STK32A: variants seen among roughly 807,000 people sequenced by gnomAD.
STK32A encodes serine/threonine kinase 32A, also known as serine/threonine-protein kinase 32A.
STK32A carries 41 observed loss-of-function variants against 53.2 expected under a neutral mutation model. The ratio of observed to expected loss-of-function variants is 0.77; its 90% CI spans 0.60 to 1.00. STK32A has a LOEUF of 1.00. Among genes scored for constraint, STK32A ranks in the 50% least tolerant of loss-of-function variants. STK32A has a pLI of 0.00. For missense variants in STK32A, 458 were observed against 485.8 expected (o/e 0.94, Z 0.54); for synonymous variants, 166 against 162.8 (o/e 1.02, Z -0.15).
Position 147,386,793 on chromosome 5 carries a change from T to G in STK32A, c.*2810T>G, listed in dbSNP as rs1459145849. ...AAACCATGGTATCTGACAGTGCTGA[T>G]TGTAATCACCTCCCACCACTGTGCA... On this transcript the variant is annotated 3_prime_UTR_variant, in exon 13 of 13. Coordinates refer to ENST00000397936, the MANE Select transcript of STK32A (RefSeq NM_001112724.2). 1 of 152,216 alleles carries G rather than the reference T, an allele frequency of 6.6e-6. No homozygotes were observed. Among genetic ancestry groups the G allele is most frequent in the Non-Finnish European group, 1.5e-5 (1 of 68,040 alleles). 9.4% of individuals were successfully genotyped at this position (152,216 alleles called of 1,614,324 possible). A position where few individuals can be genotyped will look rare whatever the true frequency, so the allele number is the denominator to read the frequency against.
At chr5:147,338,345 C>A (rs1159606665) in intron 5 of STK32A, among the ~76,000 whole-genome samples, 4 of 152,146 alleles carry the variant, frequency 2.6e-5, no homozygotes, top group Admixed American at 2.6e-4. Context: ...CACCTTCTGC[C>A]ATGATTGTGA....
chr5:147,344,552 C>A (rs1029369243), intron 6 of STK32A, among the ~76,000 whole-genome samples: 1 of 152,170 alleles, frequency 6.6e-6, no homozygotes, highest in African/African-American at 2.4e-5. Flanking sequence ...GCAGGAGGAT[C>A]GCTTGAGCCC....
chr5:147,333,602 G>T (rs1754978642), intron 5 of STK32A, among the ~76,000 whole-genome samples: 1 of 152,096 alleles, frequency 6.6e-6, no homozygotes, highest in African/African-American at 2.4e-5. Flanking sequence ...ATACTTCACA[G>T]GCTGTGGTGA....
At chr5:147,275,252 T>A (rs1249317028) in intron 2 of STK32A, among the ~76,000 whole-genome samples, 1 of 152,172 alleles carries the variant, frequency 6.6e-6, no homozygotes, top group African/African-American at 2.4e-5. Context: ...TTCAAGTTAG[T>A]CTTCCTGCTA....
intron 1 of STK32A, among the ~76,000 whole-genome samples, chr5:147,237,120 G>A (rs1055130708): frequency 1.3e-5 from 2 of 151,992 alleles, no homozygotes; most frequent in Non-Finnish European, 2.9e-5. Flanking sequence ...AGACCATCCT[G>A]GCTAACATGG....
At chr5:147,286,390 C>A (rs1752341179) in intron 4 of STK32A, among the ~76,000 whole-genome samples, 1 of 152,088 alleles carries the variant, frequency 6.6e-6, no homozygotes, top group Non-Finnish European at 1.5e-5. Context: ...ACCCATGTAA[C>A]CAAAACCACC....
intron 7 of STK32A, 29 bp downstream of exon 7, chr5:147,351,183 T>C (rs779358120): frequency 4.5e-6 from 7 of 1,572,758 alleles, no homozygotes; most frequent in Non-Finnish European, 6.1e-6. Flanking sequence ...TCTTTTTTTT[T>C]TCTTTCCTGT....
chr5:147,271,235 C>A (rs948173512), intron 2 of STK32A, among the ~76,000 whole-genome samples: 1 of 152,156 alleles, frequency 6.6e-6, no homozygotes, highest in Non-Finnish European at 1.5e-5. Context: ...CCTGTCTTTA[C>A]TGCAATCTCT....
intron 4 of STK32A, 146 bp downstream of exon 4, chr5:147,279,544 A>G: frequency 1.4e-6 from 1 of 713,646 alleles, no homozygotes; most frequent in Non-Finnish European, 2.2e-6. Context: ...GATGAGTTGG[A>G]AAACAGTGAA....
chr5:147,273,571 T>C (rs952973571), intron 2 of STK32A, among the ~76,000 whole-genome samples: 6 of 152,232 alleles, frequency 3.9e-5, no homozygotes, highest in Non-Finnish European at 5.9e-5. Context: ...ACTTTCCATG[T>C]GACTATAATG....
chr5:147,388,748 G>A (rs146634023), downstream of STK32A, among the ~76,000 whole-genome samples: 20 of 152,254 alleles, frequency 1.3e-4, no homozygotes, highest in East Asian at 1.9e-3. Context: ...CCTGGTCAAC[G>A]TGACTCAGCC....
chr5:147,276,042 G>A lies in STK32A; in HGVS notation c.53-2082G>A, dbSNP rs1173234498. Among the ~76,000 whole-genome samples, 6 of 152,074 alleles carry A rather than the reference G, an allele frequency of 3.9e-5. No individual in the cohort carries two copies. The East Asian group carries it at 1.2e-3, about 29-fold the overall frequency. On this transcript the variant is annotated intron_variant, in intron 2 of 12. Transcript: ENST00000397936. ...AGTGGAGAAATCACTGTGAGTTATT[G>A]GATTTGCTCAAGATAAAATCTTGAA... is the stretch of plus-strand genomic sequence containing the variant.
chr5:147,313,727 A>G (rs1753818012), intron 4 of STK32A, among the ~76,000 whole-genome samples: 1 of 152,234 alleles, frequency 6.6e-6, no homozygotes, highest in South Asian at 2.1e-4. Context: ...TGGCATAAGG[A>G]TAAACATGGA....
rs560842068 is a variant in STK32A at position 147,382,577 on chromosome 5, G to A, written c.1033-864G>A. On this transcript the variant is annotated intron_variant, in intron 11 of 12. Transcript: ENST00000397936. ...GAAAATCAGATTTCTCCCATCCCCA[G>A]GGTTTGCTGTTTTTTGTTATTGTTT... Among the ~76,000 whole-genome samples, 14 of 152,062 alleles carry A rather than the reference G, an allele frequency of 9.2e-5. No homozygotes were observed. In the East Asian group the frequency reaches 2.5e-3, roughly 27 times the overall value.
At chr5:147,278,323 A>C (rs1751868159) in intron 3 of STK32A, 144 bp downstream of exon 3, 2 of 719,004 alleles carry the variant, frequency 2.8e-6, no homozygotes, top group Middle Eastern at 2.4e-4. Flanking sequence ...GATTTTTATA[A>C]AATTGTCACC....
At chr5:147,235,511 GCTTCAT>G (rs1233680470) in intron 1 of STK32A, among the ~76,000 whole-genome samples, 2 of 152,200 alleles carry the variant, frequency 1.3e-5, no homozygotes, top group Non-Finnish European at 2.9e-5. Context: ...TTTGATGATT[GCTTCAT>G]CTCCACAAGG....
At chr5:147,331,119 G>A (rs1368852675) in intron 5 of STK32A, among the ~76,000 whole-genome samples, 1 of 152,186 alleles carries the variant, frequency 6.6e-6, no homozygotes, top group Non-Finnish European at 1.5e-5. Context: ...CCAACACAGT[G>A]ACACCTCAGG....
At position 147,384,761 on chromosome 5, in the gene STK32A, T is replaced by TC. The variant is rs1581161892; in HGVS notation, c.*780dup. ...CCACCACTCCTTCCAAGAAGCATGT[T>TC]CCTTGAGGGCTAATTGTCCTCTGAA... is the stretch of plus-strand genomic sequence containing the variant. On this transcript the variant is annotated 3_prime_UTR_variant, in exon 13 of 13. Coordinates refer to ENST00000397936, the MANE Select transcript of STK32A (RefSeq NM_001112724.2). 1 of 259,274 alleles carries TC rather than the reference T, an allele frequency of 3.9e-6. No individual in the cohort carries two copies. The highest frequency in any genetic ancestry group is 7.8e-5 in the East Asian group (1 of 12,770). 16.1% of individuals were successfully genotyped at this position (259,274 alleles called of 1,614,324 possible).
At chr5:147,327,476 A>G (rs1217953485) in intron 5 of STK32A, among the ~76,000 whole-genome samples, 1 of 152,250 alleles carries the variant, frequency 6.6e-6, no homozygotes, top group Non-Finnish European at 1.5e-5. Flanking sequence ...AACTGAAGAT[A>G]TAAAATATGT....
Sources: allele counts gnomAD v4.1 joint callset (sites outside exome capture counted in the v4.1 genomes callset), GRCh38; gene constraint gnomAD v4.1.1; transcripts MANE v1.5; gene names NCBI Gene and HGNC (gene_info 2026-07-23, HGNC 2026-07-21).